The following ESCO1 variants were observed in gnomAD, a reference collection of about 807,000 sequenced individuals.
The protein encoded by ESCO1 is N-acetyltransferase ESCO1.
ESCO1 carries 33 observed loss-of-function variants against 83.5 expected under a neutral mutation model. The ratio of observed to expected loss-of-function variants is 0.40; its 90% CI spans 0.30 to 0.53. ESCO1 has a LOEUF of 0.53. Ranked by LOEUF, ESCO1 falls within the 20% of genes least tolerant of loss-of-function variation. The pLI is 0.63. For synonymous variants in ESCO1, 332 were observed against 324.3 expected, an observed-to-expected ratio of 1.02 and a Z score of -0.25; for missense variants, 855 against 968.0, an observed-to-expected ratio of 0.88 and a Z score of 1.55.
chr18:21,576,189 T>A (rs894631893), intron 2 of ESCO1, among the ~76,000 whole-genome samples: 1 of 151,634 alleles, frequency 6.6e-6, no homozygotes, highest in African/African-American at 2.4e-5. Flanking sequence ...CAAACCCTAC[T>A]GGAAAAAAAA....
chr18:21,588,074 C>T (rs1412585482), intron 1 of ESCO1, among the ~76,000 whole-genome samples: 3 of 146,478 alleles, frequency 2.0e-5, no homozygotes, highest in Admixed American at 6.9e-5. Context: ...CACTCCAGCC[C>T]GGGCAACCCA....
At chr18:21,557,367 G>A (rs961277248) in intron 8 of ESCO1, among the ~76,000 whole-genome samples, 1 of 152,094 alleles carries the variant, frequency 6.6e-6, no homozygotes, top group South Asian at 2.1e-4. Context: ...CTCTTTAGTT[G>A]TACTGTTACC....
In ESCO1 at chr18:21,574,189, G is replaced by T; in HGVS notation, c.655C>A (p.Gln219Lys). ...CACTTTTCAGATCCTTGCGTGCATT[G>T]AGAACTACAAGCACAAGCTGTCTGA... ...EHQTACACSSQCTQGSEKCPQ... is the reference protein window; with the variant it reads ...EHQTACACSSKCTQGSEKCPQ... Residue 219 changes from glutamine to lysine, a missense_variant, in exon 4 of 12, where the codon CAA becomes AAA. Around this residue, in one of 2 missense-constraint regions of ESCO1, gnomAD observed 726 missense variants for 699.5 expected, o/e 1.04. Coordinates refer to ENST00000269214, the MANE Select transcript of ESCO1 (RefSeq NM_052911.3). 6.2e-7 allele frequency: 1 copy of T among 1,613,740 alleles called. No individual in the cohort carries two copies. Among genetic ancestry groups the T allele is most frequent in the Non-Finnish European group, 8.5e-7 (1 of 1,179,978 alleles).
chr18:21,577,659 C>CA (rs60796995), intron 2 of ESCO1, among the ~76,000 whole-genome samples: 2,053 of 68,458 alleles, frequency 0.03, 63 homozygotes, highest in African/African-American at 0.078. Context: ...GACTCCGTCT[C>CA]AAAAAAAAAA....
At chr18:21,595,626 C>T (rs2146239997) in intron 1 of ESCO1, among the ~76,000 whole-genome samples, 1 of 150,584 alleles carries the variant, frequency 6.6e-6, no homozygotes, top group South Asian at 2.1e-4. Flanking sequence ...CAAGATTGCG[C>T]CGCTGCACTC....
intron 1 of ESCO1, among the ~76,000 whole-genome samples, chr18:21,598,239 A>T (rs2038792249): frequency 6.6e-6 from 1 of 152,248 alleles, no homozygotes; most frequent in East Asian, 1.9e-4. Context: ...GGTCACGTTC[A>T]TTAACAGAAT....
At chr18:21,579,790 GCGCGCACACACACACACA>G (rs1286334044) in intron 2 of ESCO1, among the ~76,000 whole-genome samples, 3 of 40,260 alleles carry the variant, frequency 7.5e-5, no homozygotes, top group Admixed American at 2.1e-4. Flanking sequence ...ACACACGCGC[GCGCGCACACACACACACA>G]CACACACACA....
At chr18:21,554,692 T>C (rs1190424264) in intron 8 of ESCO1, among the ~76,000 whole-genome samples, 2 of 152,126 alleles carry the variant, frequency 1.3e-5, no homozygotes, top group African/African-American at 4.8e-5. Flanking sequence ...GCAGATCATT[T>C]GAGGTCAGAA....
intron 1 of ESCO1, chr18:21,593,435 C>A (rs1422741860): frequency 1.3e-5 from 2 of 153,820 alleles, no homozygotes; most frequent in South Asian, 1.8e-4. Context: ...CAAAAAAATA[C>A]GAAAACCAGT....
Position 21,574,154 on chromosome 18 carries a change from C to G in ESCO1, c.690G>C (p.Lys230Asn). ...GTTTCGTTTCGTCTCTTCTAGTAGTCTTCTGAGGACACTTTTCAGATCCTT... is the reference window on the plus strand; with the variant it reads ...GTTTCGTTTCGTCTCTTCTAGTAGTGTTCTGAGGACACTTTTCAGATCCTT... ...CTQGSEKCPQ[K>N]TTRRDETKPV... Residue 230 changes from lysine to asparagine, a missense_variant, in exon 4 of 12, where the codon AAG becomes AAC. Transcript: ENST00000269214. 1 of 1,613,848 alleles carries G rather than the reference C, an allele frequency of 6.2e-7. No homozygotes were observed. The highest frequency in any genetic ancestry group is 8.5e-7 in the Non-Finnish European group (1 of 1,179,996).
chr18:21,573,511 C>A lies in ESCO1; in HGVS notation c.1333G>T (p.Asp445Tyr), dbSNP rs760660973. 6.2e-7 allele frequency: 1 copy of A among 1,613,056 alleles called. No homozygotes were observed. Among genetic ancestry groups the A allele is most frequent in the South Asian group, 1.1e-5 (1 of 90,672 alleles). The change falls in exon 4 of 12, where the codon GAT becomes TAT. Residue 445 changes from aspartate to tyrosine, a missense_variant. By Grantham distance (160) the Asp-to-Tyr change is radical (BLOSUM62 -3). Coordinates refer to ENST00000269214, the MANE Select transcript of ESCO1 (RefSeq NM_052911.3). ...QSTFLGTKLH[D>Y]RNITCQQEKM... Reference sequence around the variant, plus strand: ...TCCTGCTGGCAAGTTATATTTCTATCATGTAGCTTTGTCCCTAAAAACGTA... The same window carrying A: ...TCCTGCTGGCAAGTTATATTTCTATAATGTAGCTTTGTCCCTAAAAACGTA...
At chr18:21,544,385 T>C (rs970106100) in intron 8 of ESCO1, among the ~76,000 whole-genome samples, 2 of 151,898 alleles carry the variant, frequency 1.3e-5, no homozygotes, top group Non-Finnish European at 2.9e-5. Context: ...GGCAGGCGGA[T>C]TACCTGAGGT....
At chr18:21,549,413 AC>A (rs1568096297) in intron 8 of ESCO1, among the ~76,000 whole-genome samples, 1 of 151,620 alleles carries the variant, frequency 6.6e-6, no homozygotes, top group African/African-American at 2.4e-5. Context: ...ACACCTCCAG[AC>A]TTCCTTGTTT....
chr18:21,579,816 A>G lies in ESCO1; in HGVS notation c.-693-4039T>C, dbSNP rs531203489. On this transcript the variant is annotated intron_variant, in intron 2 of 11. Coordinates refer to ENST00000269214, the MANE Select transcript of ESCO1 (RefSeq NM_052911.3). The stretch of plus-strand genomic sequence containing the variant: ...CGCGCACACACACACACACACACAC[A>G]CACACACACACACACACACACACAC... Among the ~76,000 whole-genome samples, 20 of 147,700 alleles carry G rather than the reference A, an allele frequency of 1.4e-4. 1 individual carries two copies. The highest frequency in any genetic ancestry group is 3.9e-4 in the East Asian group (2 of 5,124).
intron 8 of ESCO1, among the ~76,000 whole-genome samples, chr18:21,549,293 C>A (rs1046653677): frequency 2.0e-5 from 3 of 152,174 alleles, no homozygotes; most frequent in Non-Finnish European, 4.4e-5. Context: ...GATGTTACAA[C>A]TGTGAAGCAC....
chr18:21,562,198 C>CT (rs2038195855), intron 7 of ESCO1, among the ~76,000 whole-genome samples: 1 of 152,118 alleles, frequency 6.6e-6, no homozygotes, highest in Admixed American at 6.5e-5. Context: ...TTTTTAATGT[C>CT]TTAAAAGTCT....
intron 5 of ESCO1, 146 bp downstream of exon 5, chr18:21,567,834 G>C: frequency 1.7e-6 from 1 of 589,464 alleles, no homozygotes; most frequent in South Asian, 2.3e-5. Context: ...AAGCATGGGT[G>C]ATAGTCATGA....
intron 4 of ESCO1, among the ~76,000 whole-genome samples, chr18:21,569,392 A>T (rs1439749465): frequency 6.6e-6 from 1 of 151,768 alleles, no homozygotes; most frequent in Non-Finnish European, 1.5e-5. Flanking sequence ...AGGTCAAGGG[A>T]TCAAGACCAT....
In ESCO1 at chr18:21,564,310, G is replaced by C. The variant is rs767012173; in HGVS notation, c.1714C>G (p.Pro572Ala). ...CACTTAGGCAAAGAATGATTTCGTGGTGTCTCCCTTAAAAAAAATAAAATT... is the reference window on the plus strand; with the variant it reads ...CACTTAGGCAAAGAATGATTTCGTGCTGTCTCCCTTAAAAAAAATAAAATT... ...TSKSSDNRETPRNHSLPKCNS... is the reference protein window; with the variant it reads ...TSKSSDNRETARNHSLPKCNS... Residue 572 changes from proline (P) to alanine (A), a missense_variant, in exon 7 of 12, where the codon CCA becomes GCA. This residue lies in a region of ESCO1 where 726 missense variants were observed against 699.5 expected (regional missense o/e 1.04). Transcript: ENST00000269214. The C allele has an allele frequency of 1.9e-6, 3 of 1,599,116 alleles. No individual in the cohort carries two copies. Among genetic ancestry groups the C allele is most frequent in the South Asian group, 2.3e-5 (2 of 88,742 alleles).
Sources: allele counts gnomAD v4.1 joint callset (sites outside exome capture counted in the v4.1 genomes callset), GRCh38; gene constraint gnomAD v4.1.1; regional missense constraint gnomAD v4.1.1; transcripts MANE v1.5; gene names NCBI Gene and HGNC (gene_info 2026-07-23, HGNC 2026-07-21).